TBC1D19: variants seen among roughly 807,000 people sequenced by gnomAD.
TBC1D19 encodes TBC1 domain family, member 19.
In TBC1D19, 60 loss-of-function variants were observed where a neutral mutation model predicts 89.0. The observed-to-expected ratio is 0.67, with a 90% CI of 0.55 to 0.84. TBC1D19 has a LOEUF of 0.84. Among genes scored for constraint, TBC1D19 ranks in the 40% least tolerant of loss-of-function variants. The pLI, the probability that TBC1D19 is intolerant of heterozygous loss-of-function variation, is 0.00. For missense variants in TBC1D19, 500 were observed against 610.8 expected, an observed-to-expected ratio of 0.82 and a Z score of 1.91; for synonymous variants, 189 against 199.7, an observed-to-expected ratio of 0.95 and a Z score of 0.45.
the TBC1D19 span, among the ~76,000 whole-genome samples, chr4:26,778,090 A>T: frequency 4.3e-5 from 6 of 137,938 alleles, no homozygotes; most frequent in Admixed American, 3.7e-4. Flanking sequence ...GGGGAGGGAG[A>T]CATGGTGGGG....
chr4:26,655,169 GGCA>G (rs1249734894), intron 7 of TBC1D19, among the ~76,000 whole-genome samples: 5 of 152,186 alleles, frequency 3.3e-5, no homozygotes, highest in African/African-American at 1.2e-4. Flanking sequence ...TGTCAGCAGC[GGCA>G]GCTGCGGAAC....
the TBC1D19 span, among the ~76,000 whole-genome samples, chr4:26,795,018 C>A: frequency 6.6e-6 from 1 of 152,206 alleles, no homozygotes; most frequent in Non-Finnish European, 1.5e-5. Context: ...CCAGAGTGAT[C>A]CTTTCAATCC....
intron 11 of TBC1D19, among the ~76,000 whole-genome samples, chr4:26,683,068 T>C (rs1713499912): frequency 1.3e-5 from 2 of 152,186 alleles, no homozygotes; most frequent in South Asian, 2.1e-4. Context: ...CATATTCTAA[T>C]ATTAAAAGCT....
chr4:26,643,253 A>G (rs1743673959), intron 7 of TBC1D19, among the ~76,000 whole-genome samples: 1 of 152,242 alleles, frequency 6.6e-6, no homozygotes. Context: ...CAATCAAATT[A>G]GAACTCAGGA....
At chr4:26,814,639 G>C in the TBC1D19 span, among the ~76,000 whole-genome samples, 2 of 152,172 alleles carry the variant, frequency 1.3e-5, no homozygotes, top group East Asian at 3.9e-4. Flanking sequence ...TCCATCCTCT[G>C]CCATTCTGGA....
the TBC1D19 span, among the ~76,000 whole-genome samples, chr4:26,761,855 G>A: frequency 3.7e-4 from 56 of 152,234 alleles, no homozygotes; most frequent in South Asian, 2.3e-3. Context: ...GGATGGGCAC[G>A]GTGGCTCACG....
At chr4:26,699,456 G>T (rs1160245369) in intron 13 of TBC1D19, among the ~76,000 whole-genome samples, 1 of 152,146 alleles carries the variant, frequency 6.6e-6, no homozygotes, top group Non-Finnish European at 1.5e-5. Flanking sequence ...ATAGTGTGGC[G>T]ATTCCTCAAG....
the TBC1D19 span, among the ~76,000 whole-genome samples, chr4:26,831,121 G>T: frequency 6.6e-6 from 1 of 151,920 alleles, no homozygotes; most frequent in Non-Finnish European, 1.5e-5. Context: ...TTTGCCTAAG[G>T]TTTTCTCTAG....
downstream of TBC1D19, among the ~76,000 whole-genome samples, chr4:26,758,781 C>T (rs997321309): frequency 6.6e-6 from 1 of 152,122 alleles, no homozygotes; most frequent in Non-Finnish European, 1.5e-5. Flanking sequence ...CAGAAAGGAT[C>T]CTAACTGATG....
the TBC1D19 span, among the ~76,000 whole-genome samples, chr4:26,853,069 C>T: frequency 1.3e-5 from 2 of 152,240 alleles, no homozygotes; most frequent in Non-Finnish European, 2.9e-5. Flanking sequence ...ATGTCAGATG[C>T]CATGATTCTA....
the TBC1D19 span, among the ~76,000 whole-genome samples, chr4:26,839,350 T>C: frequency 6.6e-6 from 1 of 152,206 alleles, no homozygotes; most frequent in Admixed American, 6.5e-5. Flanking sequence ...ATACTTATGA[T>C]TGAGATCTCT....
intron 1 of TBC1D19, among the ~76,000 whole-genome samples, chr4:26,592,028 A>G (rs1335987023): frequency 6.6e-6 from 1 of 152,176 alleles, no homozygotes; most frequent in African/African-American, 2.4e-5. Context: ...TGGCAGAGAC[A>G]CAACAAAAAA....
At chr4:26,777,541 C>T in the TBC1D19 span, among the ~76,000 whole-genome samples, 1 of 152,066 alleles carries the variant, frequency 6.6e-6, no homozygotes, top group African/African-American at 2.4e-5. Flanking sequence ...TGGATTCAAG[C>T]GATTCTTATG....
chr4:26,600,903 A>G (rs1043864007), intron 1 of TBC1D19, among the ~76,000 whole-genome samples: 10 of 152,218 alleles, frequency 6.6e-5, no homozygotes, highest in Non-Finnish European at 1.5e-4. Flanking sequence ...CAGTTTTAGA[A>G]AGAACCATAA....
At chr4:26,840,816 G>A in the TBC1D19 span, among the ~76,000 whole-genome samples, 1 of 152,312 alleles carries the variant, frequency 6.6e-6, no homozygotes, top group African/African-American at 2.4e-5. Flanking sequence ...TAACGAGCAT[G>A]TGCCAGGGAC....
chr4:26,625,526 C>T (rs770032453), intron 4 of TBC1D19, among the ~76,000 whole-genome samples: 1 of 151,984 alleles, frequency 6.6e-6, no homozygotes, highest in Non-Finnish European at 1.5e-5. Flanking sequence ...AACTTAAGTC[C>T]GTAGTTTATT....
At chr4:26,840,973 C>T in the TBC1D19 span, among the ~76,000 whole-genome samples, 2 of 152,096 alleles carry the variant, frequency 1.3e-5, no homozygotes, top group Non-Finnish European at 2.9e-5. Context: ...CCAAGACTGC[C>T]ATTATCCTCC....
At chr4:26,807,477 A>G in the TBC1D19 span, among the ~76,000 whole-genome samples, 1 of 152,150 alleles carries the variant, frequency 6.6e-6, no homozygotes, top group African/African-American at 2.4e-5. Context: ...TCCTCTCCCA[A>G]ATGGTGGTTA....
intron 10 of TBC1D19, among the ~76,000 whole-genome samples, chr4:26,673,446 T>TATATATATATAGACACACAC (rs373807642): frequency 1.1e-5 from 1 of 90,884 alleles, no homozygotes; most frequent in Non-Finnish European, 2.1e-5. Context: ...TATATATATA[T>TATATATATATAGACACACAC]ACACACACAC....
Sources: gnomAD v4.1 joint callset for allele counts (sites outside exome capture counted in the v4.1 genomes callset) on GRCh38, gnomAD v4.1.1 for gene constraint, MANE v1.5 for transcripts, NCBI Gene and HGNC (gene_info 2026-07-23, HGNC 2026-07-21) for gene names.